The following LONRF2 variants were observed in gnomAD, a reference collection of about 807,000 sequenced individuals.
LONRF2 encodes the protein LON peptidase N-terminal domain and RING finger protein 2.
Under a neutral mutation model 66.6 loss-of-function variants are expected in LONRF2, and 35 were observed. The observed-to-expected ratio is 0.53, with a 90% CI of 0.40 to 0.70. The LOEUF is 0.70. Ranked by LOEUF, LONRF2 falls within the 30% of genes least tolerant of loss-of-function variation. LONRF2 has a pLI of 0.00. For missense variants in LONRF2, 902 were observed against 1,002.1 expected (o/e 0.90, Z 1.35); for synonymous variants, 417 against 418.1 (o/e 1.00, Z 0.03).
chr2:100,315,386 A>G (rs1675486564), intron 1 of LONRF2, among the ~76,000 whole-genome samples: 1 of 152,210 alleles, frequency 6.6e-6, no homozygotes, highest in African/African-American at 2.4e-5. Context: ...GGTCATCTAC[A>G]AATAATGACA....
intron 4 of LONRF2, 52 bp downstream of exon 4, chr2:100,300,592 C>A (rs58421146): frequency 0.017 from 26,130 of 1,523,140 alleles, 1,375 homozygotes; most frequent in South Asian, 0.14. Flanking sequence ...AAAATGAAGC[C>A]ATTATGTAAA....
chr2:100,299,826 C>A lies in LONRF2; in HGVS notation c.1158G>T (p.Ala386=), dbSNP rs373611734. The A allele has an allele frequency of 1.2e-6, 2 of 1,613,582 alleles. No homozygotes were observed. The change falls in exon 5 of 12, where the codon GCG becomes GCT. Residue 386 remains alanine, a synonymous_variant. Transcript: ENST00000393437. ...GTGCTGTTGGAAGGATGCTTTCTAA[C>A]GCCTTTTTATCCTCTTCAAAGTGTA... ...LGLHFEEDKK[A]LESILPTAPS... is the part of the protein sequence containing the mutation.
intron 10 of LONRF2, among the ~76,000 whole-genome samples, chr2:100,289,251 A>G (rs987954980): frequency 2.0e-5 from 3 of 152,154 alleles, no homozygotes; most frequent in African/African-American, 4.8e-5. Flanking sequence ...CTGCTTTTGC[A>G]CTACAAGGGC....
intron 11 of LONRF2, among the ~76,000 whole-genome samples, chr2:100,286,177 A>AT (rs1399003114): frequency 3.3e-5 from 5 of 152,174 alleles, no homozygotes; most frequent in Non-Finnish European, 7.3e-5. Flanking sequence ...AGAAAAAAAA[A>AT]GTTAAAATGG....
In LONRF2 at chr2:100,272,619, T is replaced by C. The variant is rs1187615053; in HGVS notation, c.*11679A>G. ...GTGCCAGGAAGTTAATAAAAATACT[T>C]TTCAGTATTTTGTAGAGTGTTATGC... On this transcript the variant is annotated 3_prime_UTR_variant, in exon 12 of 12. Coordinates refer to ENST00000393437, the MANE Select transcript of LONRF2 (RefSeq NM_198461.4). 5.0e-5 allele frequency among the ~76,000 whole-genome samples: 5 copies of C among 99,996 alleles called. No homozygotes were observed. Among genetic ancestry groups the C allele is most frequent in the Admixed American group, 4.9e-4 (5 of 10,186 alleles). The allele number at this position is 99,996 out of a possible 152,430, so 65.6% of individuals were successfully genotyped here.
chr2:100,314,675 T>C (rs1252219876), intron 1 of LONRF2, among the ~76,000 whole-genome samples: 1 of 152,214 alleles, frequency 6.6e-6, no homozygotes, highest in Non-Finnish European at 1.5e-5. Context: ...GACTCCTAGA[T>C]ACTTAATTGT....
rs1022675653 is a variant in LONRF2 at position 100,277,614 on chromosome 2, C to T, written c.*6684G>A. 1 of 152,146 alleles carries T rather than the reference C, an allele frequency of 6.6e-6. No homozygotes were observed. The highest frequency in any genetic ancestry group is 2.4e-5 in the African/African-American group (1 of 41,426). 9.4% of individuals were successfully genotyped at this position (152,146 alleles called of 1,614,324 possible). A position where few individuals can be genotyped will look rare whatever the true frequency, so the allele number is the denominator to read the frequency against. On this transcript the variant is annotated 3_prime_UTR_variant, in exon 12 of 12. Transcript: ENST00000393437. ...CAGAGGGTACAGATGGCATTGCCAACCCTCATATAAATGATGGAGCCCAAG... is the reference window on the plus strand; with the variant it reads ...CAGAGGGTACAGATGGCATTGCCAATCCTCATATAAATGATGGAGCCCAAG...
chr2:100,314,559 T>A (rs544655066), intron 1 of LONRF2, among the ~76,000 whole-genome samples: 76 of 152,312 alleles, frequency 5.0e-4, no homozygotes, highest in African/African-American at 1.8e-3. Context: ...CATCCCCTTC[T>A]CACTTTTTTG....
At position 100,284,381 on chromosome 2, in the gene LONRF2, C is replaced by T. The variant is rs1674801696; in HGVS notation, c.2182G>A (p.Ala728Thr). The T allele has an allele frequency of 1.3e-6, 2 of 1,599,366 alleles. No individual in the cohort carries two copies. The highest frequency in any genetic ancestry group is 1.7e-4 in the Middle Eastern group (1 of 6,040). ...GMTSLKERLL[A>T]IRRILVIITR... ...ATGATGACTAATATCCGTCGGATGG[C>T]AAGGAGCCGCTCTTTGAGCGAGGTC... Residue 728 changes from alanine (A) to threonine (T), a missense_variant, in exon 12 of 12, where the codon GCC (alanine) becomes ACC (threonine). By Grantham distance (58) the Ala-to-Thr change is moderately conservative. This residue lies in a region of LONRF2 where 317 missense variants were observed against 432.2 expected (regional missense o/e 0.73). Coordinates refer to ENST00000393437, the MANE Select transcript of LONRF2 (RefSeq NM_198461.4).
At chr2:100,289,355 G>T (rs920915994) in intron 10 of LONRF2, among the ~76,000 whole-genome samples, 1 of 151,876 alleles carries the variant, frequency 6.6e-6, no homozygotes, top group African/African-American at 2.4e-5. Context: ...CAGCTCCAGG[G>T]CTACAGCATC....
chr2:100,321,719 G>C lies in LONRF2; in HGVS notation c.375C>G (p.Pro125=). The change falls in exon 1 of 12, where the codon CCC becomes CCG. Residue 125 remains proline, a synonymous_variant. Transcript: ENST00000393437. The part of the protein sequence containing the change: ...AENPGGEPEA[P]GEGGPAPEPR... Reference sequence around the variant, plus strand: ...GCTCCGGGGCCGGCCCTCCCTCGCCGGGCGCCTCGGGCTCGCCGCCCGGGT... The same window carrying C: ...GCTCCGGGGCCGGCCCTCCCTCGCCCGGCGCCTCGGGCTCGCCGCCCGGGT... 5 of 1,150,664 alleles carry C rather than the reference G, an allele frequency of 4.3e-6. No individual in the cohort carries two copies. Among genetic ancestry groups the C allele is most frequent in the Non-Finnish European group, 5.3e-6 (5 of 938,338 alleles). 71.3% of individuals were successfully genotyped at this position (1,150,664 alleles called of 1,614,324 possible).
rs1001749175 is a variant in LONRF2 at position 100,322,331 on chromosome 2, G to C, written c.-238C>G. ...CGCAGGGCTGCAATCGTTCCGGGGTGGGGGCCGGGACAGGCACCGCGGGCG... is the reference window on the plus strand; with the variant it reads ...CGCAGGGCTGCAATCGTTCCGGGGTCGGGGCCGGGACAGGCACCGCGGGCG... On this transcript the variant is annotated 5_prime_UTR_variant, in exon 1 of 12. Transcript: ENST00000393437. The C allele has an allele frequency of 6.1e-6, 2 of 329,970 alleles. No homozygotes were observed. 20.4% of individuals were successfully genotyped at this position (329,970 alleles called of 1,614,324 possible). A position where few individuals can be genotyped will look rare whatever the true frequency, so the allele number is the denominator to read the frequency against.
At position 100,322,196 on chromosome 2, in the gene LONRF2, C is replaced by T; in HGVS notation, c.-103G>A. 8.8e-7 allele frequency: 1 copy of T among 1,133,076 alleles called. No homozygotes were observed. Among genetic ancestry groups the T allele is most frequent in the Non-Finnish European group, 1.1e-6 (1 of 906,508 alleles). The allele number at this position is 1,133,076 out of a possible 1,614,324, so 70.2% of individuals were successfully genotyped here. Reference sequence around the variant, plus strand: ...GGCGGGAGCGCGGTCTCAGCCCTCGCCAGCAGCCACGCGCGTCTGGGGGCG... The same window carrying T: ...GGCGGGAGCGCGGTCTCAGCCCTCGTCAGCAGCCACGCGCGTCTGGGGGCG... On this transcript the variant is annotated 5_prime_UTR_variant, in exon 1 of 12. Coordinates refer to ENST00000393437, the MANE Select transcript of LONRF2 (RefSeq NM_198461.4).
At position 100,300,692 on chromosome 2, in the gene LONRF2, G is replaced by C; in HGVS notation, c.1017C>G (p.His339Gln). Residue 339 changes from histidine (H) to glutamine (Q), a missense_variant, in exon 4 of 12, where the codon CAC (histidine) becomes CAG (glutamine). His to Gln is a conservative substitution (Grantham distance 24). Around this residue, in one of 2 missense-constraint regions of LONRF2, gnomAD observed 585 missense variants for 569.9 expected, o/e 1.03. Transcript: ENST00000393437. ...QSRLKAQGHS[H>Q]MNAQALLEEG... Reference sequence around the variant, plus strand: ...CTTCCAGCAGAGCCTGGGCATTCATGTGGCTGTGACCCTGAGCCTTTAATC... The same window carrying C: ...CTTCCAGCAGAGCCTGGGCATTCATCTGGCTGTGACCCTGAGCCTTTAATC... 1 of 1,613,628 alleles carries C rather than the reference G, an allele frequency of 6.2e-7. No individual in the cohort carries two copies. Among genetic ancestry groups the C allele is most frequent in the Non-Finnish European group, 8.5e-7 (1 of 1,179,886 alleles).
intron 8 of LONRF2, among the ~76,000 whole-genome samples, chr2:100,295,152 C>T (rs1675038408): frequency 6.6e-6 from 1 of 152,066 alleles, no homozygotes; most frequent in Non-Finnish European, 1.5e-5. Flanking sequence ...GCCTAGCCTT[C>T]TTTGCTTTTT....
chr2:100,302,187 G>A (rs1016647740), intron 3 of LONRF2, among the ~76,000 whole-genome samples: 19 of 152,110 alleles, frequency 1.2e-4, no homozygotes, highest in African/African-American at 4.1e-4. Context: ...TCTTAGAAAC[G>A]CCACTCTGTG....
chr2:100,296,495 G>A (rs1460748086), intron 7 of LONRF2, among the ~76,000 whole-genome samples: 3 of 152,200 alleles, frequency 2.0e-5, no homozygotes, highest in African/African-American at 7.2e-5. Context: ...TTGGTGGCCT[G>A]CTGCATTTCT....
Position 100,296,553 on chromosome 2 carries a change from G to T in LONRF2, c.1477-1000C>A, listed in dbSNP as rs542979357. On this transcript the variant is annotated intron_variant, in intron 7 of 11. Coordinates refer to ENST00000393437, the MANE Select transcript of LONRF2 (RefSeq NM_198461.4). ...TTTCCAACACACCATGGCTGGGTGA[G>T]TCCTTCGCATACTGCCAGGTTTCCT... 1.2e-3 allele frequency among the ~76,000 whole-genome samples: 178 copies of T among 152,230 alleles called. 5 individuals are homozygous for T. In the South Asian group the frequency reaches 0.037, roughly 31 times the overall value.
intron 2 of LONRF2, among the ~76,000 whole-genome samples, chr2:100,308,457 TA>T (rs1675340781): frequency 6.6e-6 from 1 of 152,240 alleles, no homozygotes; most frequent in African/African-American, 2.4e-5. Context: ...TATTTTTAAT[TA>T]TTAACTGACT....
Sources: gnomAD v4.1 joint callset for allele counts (sites outside exome capture counted in the v4.1 genomes callset) on GRCh38, gnomAD v4.1.1 for gene constraint, gnomAD v4.1.1 regional missense constraint, MANE v1.5 for transcripts, NCBI Gene and HGNC (gene_info 2026-07-23, HGNC 2026-07-21) for gene names.